The following MYRIP variants were observed in gnomAD, a reference collection of about 807,000 sequenced individuals.
MYRIP encodes the protein rab effector MyRIP.
In MYRIP, 49 loss-of-function variants were observed where a neutral mutation model predicts 98.0. That is an observed-to-expected ratio of 0.50 (90% CI 0.40 to 0.63). The LOEUF (loss-of-function observed/expected upper bound fraction) is 0.63, where lower values mean the gene tolerates loss of function less well. Ranked by LOEUF, MYRIP falls within the 30% of genes least tolerant of loss-of-function variation. The pLI is 0.00. For missense variants in MYRIP, 1,004 were observed against 1,058.2 expected (o/e 0.95, Z 0.71); for synonymous variants, 404 against 409.5 (o/e 0.99, Z 0.16).
Position 39,842,753 on chromosome 3 carries a change from AC to A in MYRIP, c.-31+32844del, listed in dbSNP as rs67306630. Among the ~76,000 whole-genome samples the A allele has an allele frequency of 1.9e-3, 288 of 151,336 alleles. 2 individuals carry two copies. The highest frequency in any genetic ancestry group is 6.5e-3 in the African/African-American group (268 of 41,146). On this transcript the variant is annotated intron_variant, in intron 1 of 16. Coordinates refer to ENST00000302541, the MANE Select transcript of MYRIP (RefSeq NM_015460.4). ...CTTGCGCTTCCCAGGTGAGGTGATT[AC>A]CCCCCCTGCTTCTGTCTGCCCTCAG...
intron 3 of MYRIP, among the ~76,000 whole-genome samples, chr3:40,048,009 T>C (rs545327632): frequency 3.1e-4 from 47 of 152,342 alleles, no homozygotes; most frequent in African/African-American, 1.1e-3. Context: ...CTTTGTCCAG[T>C]AGCTCCTCTG....
intron 10 of MYRIP, among the ~76,000 whole-genome samples, chr3:40,194,310 A>G (rs1444308812): frequency 6.6e-6 from 1 of 152,132 alleles, no homozygotes. Context: ...TAAATAATCT[A>G]TCATTTATCC....
chr3:39,829,781 G>T (rs1202383810), intron 1 of MYRIP, among the ~76,000 whole-genome samples: 1 of 152,108 alleles, frequency 6.6e-6, no homozygotes, highest in Admixed American at 6.5e-5. Context: ...AAAAAAAATT[G>T]CATGAGTTGC....
intron 3 of MYRIP, among the ~76,000 whole-genome samples, chr3:40,142,432 C>A (rs1284419598): frequency 6.6e-6 from 1 of 152,004 alleles, no homozygotes; most frequent in Non-Finnish European, 1.5e-5. Flanking sequence ...AGCTAAGAAT[C>A]TTTGTGTAAT....
At chr3:40,028,367 G>T (rs1318042601) in intron 2 of MYRIP, among the ~76,000 whole-genome samples, 1 of 152,114 alleles carries the variant, frequency 6.6e-6, no homozygotes, top group Non-Finnish European at 1.5e-5. Context: ...CACACCCCCT[G>T]TTACCCAGTG....
At chr3:40,080,886 T>C (rs72873104) in intron 3 of MYRIP, among the ~76,000 whole-genome samples, 2,462 of 151,484 alleles carry the variant, frequency 0.016, 54 homozygotes, top group African/African-American at 0.054. Context: ...ACCTAGCTTA[T>C]TTATTTTCAG....
At position 40,101,856 on chromosome 3, in the gene MYRIP, AC is replaced by A. The variant is rs779955971; in HGVS notation, c.333-49189del. On this transcript the variant is annotated intron_variant, in intron 3 of 16. Coordinates refer to ENST00000302541, the MANE Select transcript of MYRIP (RefSeq NM_015460.4). ...AGCAACTTTGCTCAAGAATCCCATG[AC>A]CCAGGACTGGCAGTTTACCTTTAAT... Among the ~76,000 whole-genome samples the A allele has an allele frequency of 5.9e-5, 9 of 152,218 alleles. No individual in the cohort carries two copies. In the East Asian group the frequency reaches 9.7e-4, roughly 16 times the overall value.
chr3:40,001,964 A>G (rs994110606), intron 2 of MYRIP, among the ~76,000 whole-genome samples: 1 of 152,190 alleles, frequency 6.6e-6, no homozygotes, highest in African/African-American at 2.4e-5. Context: ...CAGAAGCCCC[A>G]TGGAAGGTGA....
intron 8 of MYRIP, among the ~76,000 whole-genome samples, chr3:40,172,608 C>T (rs1559433468): frequency 6.6e-6 from 1 of 152,112 alleles, no homozygotes; most frequent in East Asian, 1.9e-4. Flanking sequence ...TCAAGGTATC[C>T]CCTGTGAGTT....
At chr3:40,034,165 A>AGGACT (rs1322550791) in intron 2 of MYRIP, among the ~76,000 whole-genome samples, 1 of 151,842 alleles carries the variant, frequency 6.6e-6, no homozygotes, top group Non-Finnish European at 1.5e-5. Context: ...GGCATGGGCA[A>AGGACT]GGACTTCATG....
intron 2 of MYRIP, among the ~76,000 whole-genome samples, chr3:39,960,699 T>A (rs1945300866): frequency 6.6e-6 from 1 of 152,180 alleles, no homozygotes; most frequent in African/African-American, 2.4e-5. Flanking sequence ...GTTACAACTT[T>A]AAAGAATTGA....
At chr3:40,250,532 A>T in intron 15 of MYRIP, 33 bp downstream of exon 15, 1 of 1,611,642 alleles carries the variant, frequency 6.2e-7, no homozygotes, top group Non-Finnish European at 8.5e-7. Context: ...AGCTACCAAA[A>T]AATTAAGCCT....
chr3:40,165,519 A>T (rs1159789428), intron 5 of MYRIP, among the ~76,000 whole-genome samples: 1 of 152,180 alleles, frequency 6.6e-6, no homozygotes, highest in Non-Finnish European at 1.5e-5. Flanking sequence ...TGGAAACAGG[A>T]GGTTGAAATT....
chr3:39,865,536 A>G (rs772423652), intron 1 of MYRIP, among the ~76,000 whole-genome samples: 7 of 152,230 alleles, frequency 4.6e-5, no homozygotes, highest in Non-Finnish European at 7.3e-5. Flanking sequence ...ACACTTTTCA[A>G]AACAAGGCAT....
chr3:40,197,282 G>A (rs976018267), intron 10 of MYRIP, among the ~76,000 whole-genome samples: 2 of 152,122 alleles, frequency 1.3e-5, no homozygotes, highest in African/African-American at 4.8e-5. Context: ...ACAGGAGGTG[G>A]AACTCAGGTG....
intron 2 of MYRIP, among the ~76,000 whole-genome samples, chr3:40,026,713 C>A (rs1432375376): frequency 6.6e-6 from 1 of 152,286 alleles, no homozygotes; most frequent in East Asian, 1.9e-4. Context: ...CTGGCTCCTG[C>A]CTAGCTTCCA....
chr3:39,945,610 C>T (rs1354108050), intron 2 of MYRIP, among the ~76,000 whole-genome samples: 1 of 151,950 alleles, frequency 6.6e-6, no homozygotes, highest in East Asian at 1.9e-4. Flanking sequence ...TGGGAAAGTG[C>T]CTTCCAGTCT....
chr3:40,223,523 G>T (rs1163256208), intron 11 of MYRIP, among the ~76,000 whole-genome samples: 6 of 152,162 alleles, frequency 3.9e-5, no homozygotes, highest in Non-Finnish European at 7.4e-5. Flanking sequence ...TAGTTAGCTT[G>T]TTCTTTTGGG....
At position 40,197,305 on chromosome 3, in the gene MYRIP, C is replaced by T. The variant is rs151263043; in HGVS notation, c.1665+6842C>T. Among the ~76,000 whole-genome samples, 488 of 152,254 alleles carry T rather than the reference C, an allele frequency of 3.2e-3. 3 individuals carry two copies. The highest frequency in any genetic ancestry group is 5.0e-3 in the Admixed American group (77 of 15,294). ...TGGAACTCAGGTGGTAATGCTGGCT[C>T]ACCTGCTGCCCACCTCCTGCTGCAC... On this transcript the variant is annotated intron_variant, in intron 10 of 16. Transcript: ENST00000302541.
Sources: allele counts gnomAD v4.1 joint callset (sites outside exome capture counted in the v4.1 genomes callset), GRCh38; gene constraint gnomAD v4.1.1; transcripts MANE v1.5; gene names NCBI Gene and HGNC (gene_info 2026-07-23, HGNC 2026-07-21).